Variants in EVC2 observed in about 807,000 individuals in gnomAD.
The protein encoded by EVC2 is limbin.
EVC2 carries 148 observed loss-of-function variants against 149.3 expected under a neutral mutation model. That is an observed-to-expected ratio of 0.99 (90% CI 0.87 to 1.14). The LOEUF (loss-of-function observed/expected upper bound fraction) is 1.14, where lower values mean the gene tolerates loss of function less well. EVC2 is among the 50% of genes most tolerant of loss of function. The probability of loss-of-function intolerance (pLI) is 0.00; values close to 1 mark genes in which losing one functional copy is unlikely to be tolerated. For missense variants in EVC2, 1,854 were observed against 1,627.3 expected, an observed-to-expected ratio of 1.14 and a Z score of -2.40; for synonymous variants, 776 against 649.9, an observed-to-expected ratio of 1.19 and a Z score of -2.95.
intron 9 of EVC2, among the ~76,000 whole-genome samples, chr4:5,656,502 C>T (rs1239855553): frequency 6.6e-6 from 1 of 152,182 alleles, no homozygotes; most frequent in Non-Finnish European, 1.5e-5. Flanking sequence ...GATCTTGACA[C>T]GAGGAGACTA....
intron 6 of EVC2, among the ~76,000 whole-genome samples, chr4:5,684,381 G>C (rs1274668899): frequency 2.6e-5 from 4 of 152,212 alleles, no homozygotes; most frequent in Non-Finnish European, 5.9e-5. Context: ...GAGGCCTCAG[G>C]AGGAGGCTGC....
intron 3 of EVC2, among the ~76,000 whole-genome samples, chr4:5,692,433 C>T (rs1721178947): frequency 6.6e-6 from 1 of 152,158 alleles, no homozygotes. Context: ...GAAACTAAGA[C>T]TCAGAAAGGT....
In EVC2 at chr4:5,563,041, G is replaced by A; in HGVS notation, c.3734C>T (p.Ser1245Leu). ...FSGKGSWPHLSLEPIGELAPV... is the reference protein window; with the variant it reads ...FSGKGSWPHLLLEPIGELAPV... ...GGCCAGTTCGCCAATGGGCTCCAGT[G>A]ACAGGTGTGGCCAACTTCCTTTTCC... Residue 1245 changes from serine (S) to leucine (L), a missense_variant, in exon 22 of 22, where the codon TCA (serine) becomes TTA (leucine). By Grantham distance (145) the Ser-to-Leu change is moderately radical (BLOSUM62 -2). Coordinates refer to ENST00000344408, the MANE Select transcript of EVC2 (RefSeq NM_147127.5). The A allele has an allele frequency of 6.2e-7, 1 of 1,614,188 alleles. No homozygotes were observed. The highest frequency in any genetic ancestry group is 8.5e-7 in the Non-Finnish European group (1 of 1,180,032).
intron 15 of EVC2, among the ~76,000 whole-genome samples, chr4:5,617,332 G>C (rs1450037423): frequency 1.3e-5 from 2 of 152,146 alleles, no homozygotes; most frequent in African/African-American, 4.8e-5. Context: ...TTACCTCTTA[G>C]CACTGCTGTG....
intron 21 of EVC2, 140 bp from the exon 22 acceptor site, chr4:5,563,255 T>C (rs1722068281): frequency 1.2e-6 from 1 of 825,126 alleles, no homozygotes; most frequent in East Asian, 2.6e-5. Flanking sequence ...ATTTTCCCCC[T>C]TGGTCACCAG....
downstream of EVC2, among the ~76,000 whole-genome samples, chr4:5,561,246 T>C (rs1721949498): frequency 6.6e-6 from 1 of 152,198 alleles, no homozygotes. Flanking sequence ...TTCAATTATA[T>C]CTACTTGCCC....
chr4:5,646,362 AG>A (rs1480091998), intron 9 of EVC2, among the ~76,000 whole-genome samples: 1 of 151,788 alleles, frequency 6.6e-6, no homozygotes, highest in Admixed American at 6.6e-5. Context: ...TCTTATGAAA[AG>A]TGTCTATTCA....
chr4:5,617,209 A>C (rs1438202714), intron 15 of EVC2, among the ~76,000 whole-genome samples: 1 of 152,182 alleles, frequency 6.6e-6, no homozygotes, highest in Non-Finnish European at 1.5e-5. Flanking sequence ...AAGGAAAAGA[A>C]GTGAGTTTAA....
At chr4:5,615,104 C>T (rs548101018) in intron 16 of EVC2, among the ~76,000 whole-genome samples, 59 of 152,224 alleles carry the variant, frequency 3.9e-4, no homozygotes, top group African/African-American at 1.3e-3. Context: ...CAGGTGCACA[C>T]GCCCCAGGAT....
At chr4:5,605,691 G>T (rs1233777988) in intron 16 of EVC2, among the ~76,000 whole-genome samples, 1 of 152,220 alleles carries the variant, frequency 6.6e-6, no homozygotes, top group East Asian at 1.9e-4. Context: ...GCTTGGCCAG[G>T]AGGCATTTTG....
the EVC2 span, among the ~76,000 whole-genome samples, chr4:5,535,534 C>T: frequency 2.0e-4 from 31 of 151,496 alleles, no homozygotes. This position sits in a 1 kb window ranked among gnomAD's most constrained non-coding sequence, Gnocchi z 4.7. Context: ...GGTTATTTCA[C>T]ACAGTTCTGG....
chr4:5,706,313 GATAGATAC>G (rs1722130511), intron 1 of EVC2, among the ~76,000 whole-genome samples: 1 of 64,262 alleles, frequency 1.6e-5, no homozygotes, highest in Non-Finnish European at 3.1e-5. Flanking sequence ...TACATAGATA[GATAGATAC>G]ATAGATAGAT....
At chr4:5,695,903 G>A (rs769776325) in intron 2 of EVC2, among the ~76,000 whole-genome samples, 5 of 152,140 alleles carry the variant, frequency 3.3e-5, no homozygotes, top group Non-Finnish European at 5.9e-5. Flanking sequence ...AAAAAGATGT[G>A]GAGCTGGGTC....
chr4:5,545,500 A>C (rs996426945), intron 21 of EVC2, among the ~76,000 whole-genome samples: 6 of 152,318 alleles, frequency 3.9e-5, no homozygotes, highest in African/African-American at 1.4e-4. Context: ...TCATTACTCA[A>C]AACACAGAGT....
chr4:5,694,956 G>A (rs1721375226), intron 2 of EVC2, among the ~76,000 whole-genome samples: 2 of 152,016 alleles, frequency 1.3e-5, no homozygotes, highest in African/African-American at 2.4e-5. Context: ...CTGGGCACCC[G>A]CCTACTGCAG....
rs369923617 is a variant in EVC2, at chr4:5,625,765, C to T, written c.2030G>A (p.Arg677Gln). The T allele has an allele frequency of 1.7e-5, 27 of 1,614,012 alleles. No individual in the cohort carries two copies. In the East Asian group the frequency reaches 4.0e-4, roughly 24 times the overall value. Residue 677 changes from arginine (R) to glutamine (Q), a missense_variant, in exon 13 of 22, where the codon CGA becomes CAA. Physicochemically the swap from Arg to Gln is conservative, Grantham distance 43 (BLOSUM62 1). Transcript: ENST00000344408. The surrounding 1 kb of genome is among the most constrained non-coding windows in gnomAD (Gnocchi z 4.0). ...CTTATATACCTTTTGTAGCAACTCT[C>T]GTCTTCTCTTAGTTATTAATTTTTG... ...LHQKLITKRR[R>Q]ELLQKHREQR...
chr4:5,649,371 T>C (rs1176446170), intron 9 of EVC2, among the ~76,000 whole-genome samples: 1 of 152,216 alleles, frequency 6.6e-6, no homozygotes, highest in African/African-American at 2.4e-5. Context: ...ACTTACTAAA[T>C]GTAAGCTATT....
intron 16 of EVC2, among the ~76,000 whole-genome samples, chr4:5,599,909 T>G (rs1713835437): frequency 6.6e-6 from 1 of 152,218 alleles, no homozygotes. Flanking sequence ...ATTGGGTTAA[T>G]ATTTGTCAAA....
chr4:5,572,301 C>T (rs894240817), intron 19 of EVC2, among the ~76,000 whole-genome samples: 15 of 152,196 alleles, frequency 9.9e-5, no homozygotes, highest in African/African-American at 3.6e-4. Context: ...ATTGTTTGAA[C>T]ATTTGTGTCT....
Sources: allele counts gnomAD v4.1 joint callset (sites outside exome capture counted in the v4.1 genomes callset), GRCh38; gene constraint gnomAD v4.1.1; non-coding constraint Gnocchi (gnomAD v3.1); transcripts MANE v1.5; gene names NCBI Gene and HGNC (gene_info 2026-07-23, HGNC 2026-07-21).